FAM135A: variants seen among roughly 807,000 people sequenced by gnomAD.
FAM135A encodes the protein family with sequence similarity 135 member A.
In FAM135A, 79 loss-of-function variants were observed where a neutral mutation model predicts 146.8. That is an observed-to-expected ratio of 0.54 (90% CI 0.45 to 0.65). FAM135A has a LOEUF of 0.65. FAM135A is among the 30% of genes least tolerant of loss of function. The pLI is 0.00. For synonymous variants in FAM135A, 562 were observed against 603.6 expected (o/e 0.93, Z 1.01); for missense variants, 1,623 against 1,758.2 (o/e 0.92, Z 1.38).
intron 2 of FAM135A, among the ~76,000 whole-genome samples, chr6:70,422,738 A>G (rs1272111209): frequency 2.0e-5 from 3 of 152,244 alleles, no homozygotes; most frequent in East Asian, 1.9e-4. Context: ...TCAATTGAAG[A>G]CAAGTAATAA....
intron 11 of FAM135A, among the ~76,000 whole-genome samples, chr6:70,496,105 C>T (rs12530358): frequency 0.13 from 19,138 of 152,066 alleles, 1,478 homozygotes; most frequent in Middle Eastern, 0.19. Flanking sequence ...CATACGTGTG[C>T]ATGTATCTTT....
At chr6:70,557,885 C>T (rs1801210609) in intron 21 of FAM135A, among the ~76,000 whole-genome samples, 1 of 152,118 alleles carries the variant, frequency 6.6e-6, no homozygotes, top group African/African-American at 2.4e-5. Flanking sequence ...CTGCCTGCTA[C>T]ATGGTAAGTA....
In FAM135A at chr6:70,556,824, A is replaced by G; in HGVS notation, c.4303A>G (p.Ile1435Val). Residue 1435 changes from isoleucine to valine, a missense_variant, in exon 21 of 22, where the codon ATT becomes GTT. Coordinates refer to ENST00000418814, the MANE Select transcript of FAM135A (RefSeq NM_001162529.3). ...CTATGTTCCTTATCACTCTGCCCGCATTGAAATGTGTAAAACAGCTTTAAA... is the reference window on the plus strand; with the variant it reads ...CTATGTTCCTTATCACTCTGCCCGCGTTGAAATGTGTAAAACAGCTTTAAA... ...DRYVPYHSAR[I>V]EMCKTALKDK... The G allele has an allele frequency of 6.2e-7, 1 of 1,614,026 alleles. No homozygotes were observed. Among genetic ancestry groups the G allele is most frequent in the South Asian group, 1.1e-5 (1 of 91,080 alleles).
At chr6:70,470,083 T>G (rs1249943906) in intron 5 of FAM135A, among the ~76,000 whole-genome samples, 1 of 152,150 alleles carries the variant, frequency 6.6e-6, no homozygotes, top group South Asian at 2.1e-4. Context: ...TAGATACTGA[T>G]TATAAGTCAA....
intron 4 of FAM135A, among the ~76,000 whole-genome samples, chr6:70,440,181 G>T (rs1252487038): frequency 6.6e-6 from 1 of 152,152 alleles, no homozygotes; most frequent in African/African-American, 2.4e-5. Context: ...AATTCCAGTT[G>T]TTTTTGAGAC....
At position 70,475,428 on chromosome 6, in the gene FAM135A, C is replaced by T; in HGVS notation, c.176C>T (p.Pro59Leu). Reference sequence around the variant, plus strand: ...GTTTTAGGTATGACTTTAGCCTTTCCAGCCTCAGTTCATGATTCTCTAATT... The same window carrying T: ...GTTTTAGGTATGACTTTAGCCTTTCTAGCCTCAGTTCATGATTCTCTAATT... Reference protein sequence around the residue: ...LHATGMTLAFPASVHDSLICS... With the variant: ...LHATGMTLAFLASVHDSLICS... Residue 59 changes from proline (P) to leucine (L), a missense_variant, in exon 6 of 22, where the codon CCA becomes CTA. By Grantham distance (98) the Pro-to-Leu change is moderately conservative. Around this residue, in one of 7 missense-constraint regions of FAM135A, gnomAD observed 171 missense variants for 164.9 expected, o/e 1.04. Coordinates refer to ENST00000418814, the MANE Select transcript of FAM135A (RefSeq NM_001162529.3). 6.3e-7 allele frequency: 1 copy of T among 1,589,546 alleles called. No homozygotes were observed. The highest frequency in any genetic ancestry group is 2.3e-5 in the East Asian group (1 of 44,306).
intron 15 of FAM135A, among the ~76,000 whole-genome samples, chr6:70,527,174 C>T (rs1049468087): frequency 1.3e-5 from 2 of 152,158 alleles, no homozygotes; most frequent in Non-Finnish European, 1.5e-5. Context: ...GTGGAAACTT[C>T]TTGAACTTAC....
intron 4 of FAM135A, among the ~76,000 whole-genome samples, chr6:70,449,723 T>C (rs546211933): frequency 6.6e-6 from 1 of 152,188 alleles, no homozygotes; most frequent in Non-Finnish European, 1.5e-5. Flanking sequence ...GCAGTGAACA[T>C]GGGAGGGCAG....
intron 12 of FAM135A, among the ~76,000 whole-genome samples, chr6:70,505,755 T>C (rs1789621787): frequency 6.6e-6 from 1 of 152,156 alleles, no homozygotes; most frequent in Non-Finnish European, 1.5e-5. Flanking sequence ...AAGTTTGTTA[T>C]TTTATTTGTC....
At position 70,455,204 on chromosome 6, in the gene FAM135A, G is replaced by A. The variant is rs888281556; in HGVS notation, c.157+2633G>A. 9.4e-4 allele frequency among the ~76,000 whole-genome samples: 143 copies of A among 152,110 alleles called. 7 individuals are homozygous for A. The highest frequency in any genetic ancestry group is 2.9e-5 in the Non-Finnish European group (2 of 68,020). On this transcript the variant is annotated intron_variant, in intron 5 of 21. Transcript: ENST00000418814. ...CTCTTTGAAGCAATTGTGAATGGGA[G>A]TTCACTCATGATTTGGCTCTCTGTC... is the stretch of plus-strand genomic sequence containing the variant.
At chr6:70,516,088 G>A (rs566762839) in intron 12 of FAM135A, among the ~76,000 whole-genome samples, 4 of 152,126 alleles carry the variant, frequency 2.6e-5, no homozygotes, top group African/African-American at 4.8e-5. Flanking sequence ...GTCACTTCAT[G>A]TATTTTAACC....
intron 20 of FAM135A, 147 bp downstream of exon 20, chr6:70,538,548 T>G (rs779541961): frequency 1.2e-4 from 52 of 428,570 alleles, no homozygotes; most frequent in Non-Finnish European, 1.8e-4. Context: ...AACAGCAAAC[T>G]CAGAACTGAA....
chr6:70,531,378 A>G (rs1040781878), intron 16 of FAM135A, among the ~76,000 whole-genome samples: 1 of 152,178 alleles, frequency 6.6e-6, no homozygotes, highest in Admixed American at 6.5e-5. Flanking sequence ...GCCATGTTTC[A>G]TTTCCTCTTA....
At chr6:70,504,558 T>A (rs1789294350) in intron 12 of FAM135A, 1 of 152,176 alleles carries the variant, frequency 6.6e-6, no homozygotes, top group Non-Finnish European at 1.5e-5. Flanking sequence ...ATAAATGATG[T>A]TTGAGACAAT....
chr6:70,492,174 A>C (rs1010348955), intron 11 of FAM135A, among the ~76,000 whole-genome samples: 1 of 151,900 alleles, frequency 6.6e-6, no homozygotes, highest in Non-Finnish European at 1.5e-5. Context: ...ATAAGGTAGG[A>C]TTTCTCTAAA....
Position 70,525,031 on chromosome 6 carries a change from C to T in FAM135A, c.1947C>T (p.Thr649=), listed in dbSNP as rs1451276767. ...SSDDCHDHQT[T]PSLGVRTIEI... is the part of the protein sequence containing the mutation. ...ACGATTGCCATGATCATCAAACAAC[C>T]CCATCTTTGGGAGTTAGAACAATTG... Residue 649 remains threonine (T), a synonymous_variant, in exon 15 of 22, where the codon ACC becomes ACT. Transcript: ENST00000418814. 1.3e-6 allele frequency: 2 copies of T among 1,596,634 alleles called. No homozygotes were observed. The highest frequency in any genetic ancestry group is 1.2e-5 in the South Asian group (1 of 86,908).
intron 4 of FAM135A, among the ~76,000 whole-genome samples, chr6:70,444,515 TGGTTGCACCACTGTACTTCAGCCTG>T (rs1775274444): frequency 6.6e-6 from 1 of 152,046 alleles, no homozygotes; most frequent in South Asian, 2.1e-4. Context: ...CAATGAGCCA[TGGTTGCACCACTGTACTTCAGCCTG>T]GGTGACAGAG....
At chr6:70,553,063 T>G (rs556165213) in intron 20 of FAM135A, among the ~76,000 whole-genome samples, 1 of 152,280 alleles carries the variant, frequency 6.6e-6, no homozygotes, top group East Asian at 1.9e-4. Context: ...TCCAACCTTT[T>G]TCACATCAGG....
chr6:70,454,924 G>A (rs574161504), intron 5 of FAM135A, among the ~76,000 whole-genome samples: 40 of 152,160 alleles, frequency 2.6e-4, no homozygotes, highest in Admixed American at 2.0e-3. Flanking sequence ...CTCTTTTTTG[G>A]TTCCATATGA....
Sources: gnomAD v4.1 joint callset for allele counts (sites outside exome capture counted in the v4.1 genomes callset) on GRCh38, gnomAD v4.1.1 for gene constraint, gnomAD v4.1.1 regional missense constraint, MANE v1.5 for transcripts, NCBI Gene and HGNC (gene_info 2026-07-23, HGNC 2026-07-21) for gene names.